Variants in ZNF385B observed in about 807,000 individuals in gnomAD.
ZNF385B encodes zinc finger protein 385B.
In ZNF385B, 23 loss-of-function variants were observed where a neutral mutation model predicts 39.2. The ratio of observed to expected loss-of-function variants is 0.59; its 90% CI spans 0.42 to 0.83. The LOEUF is 0.83. ZNF385B is among the 40% of genes least tolerant of loss of function. The pLI, the probability that ZNF385B is intolerant of heterozygous loss-of-function variation, is 0.00. For synonymous variants in ZNF385B, 205 were observed against 222.6 expected, an observed-to-expected ratio of 0.92 and a Z score of 0.70; for missense variants, 552 against 598.9, an observed-to-expected ratio of 0.92 and a Z score of 0.82.
chr2:179,562,670 G>T, intron 3 of ZNF385B: 1 of 835,174 alleles, frequency 1.2e-6, no homozygotes, highest in Non-Finnish European at 1.4e-6. Context: ...TATCCTAAAA[G>T]ACTGACAAGT....
chr2:179,544,713 A>G, intron 4 of ZNF385B, 114 bp downstream of exon 4: 1 of 1,326,974 alleles, frequency 7.5e-7, no homozygotes, highest in Non-Finnish European at 1.1e-6. Context: ...CAGCATAACC[A>G]ATATATGGTC....
chr2:179,516,317 A>C (rs535118859), intron 5 of ZNF385B, among the ~76,000 whole-genome samples: 3 of 152,026 alleles, frequency 2.0e-5, no homozygotes, highest in Non-Finnish European at 4.4e-5. Context: ...CATATGGGAA[A>C]CGTATGTACA....
intron 3 of ZNF385B, among the ~76,000 whole-genome samples, chr2:179,700,243 CA>C (rs951078972): frequency 5.3e-5 from 8 of 152,326 alleles, no homozygotes; most frequent in Admixed American, 5.2e-4. Flanking sequence ...CCCATGACTT[CA>C]AAATGTACCC....
intron 1 of ZNF385B, among the ~76,000 whole-genome samples, chr2:179,818,051 T>TGTGTGTGTGTAGTATGTTGC (rs1559222450): frequency 6.6e-6 from 1 of 151,890 alleles, no homozygotes; most frequent in Non-Finnish European, 1.5e-5. Context: ...TGTGTGTGAA[T>TGTGTGTGTGTAGTATGTTGC]GTGTGTGTGT....
chr2:179,721,785 T>C (rs1700713594), intron 3 of ZNF385B, among the ~76,000 whole-genome samples: 1 of 151,968 alleles, frequency 6.6e-6, no homozygotes, highest in Non-Finnish European at 1.5e-5. Flanking sequence ...GTATTCCCTA[T>C]AAAGTAAAGA....
At chr2:179,779,417 C>A (rs1395048510) in intron 1 of ZNF385B, among the ~76,000 whole-genome samples, 3 of 152,188 alleles carry the variant, frequency 2.0e-5, no homozygotes, top group Non-Finnish European at 4.4e-5. Flanking sequence ...GTTGGTCATG[C>A]AGGCCTTTGC....
At chr2:179,625,523 T>C (rs936542115) in intron 3 of ZNF385B, among the ~76,000 whole-genome samples, 2 of 152,110 alleles carry the variant, frequency 1.3e-5, no homozygotes, top group East Asian at 3.8e-4. Flanking sequence ...CATAAATATA[T>C]AAACAGATGA....
intron 5 of ZNF385B, among the ~76,000 whole-genome samples, chr2:179,513,171 G>A (rs367614284): frequency 2.0e-5 from 3 of 152,278 alleles, no homozygotes; most frequent in Admixed American, 6.5e-5. Context: ...AAATAAGGAT[G>A]AGCATCTTCT....
chr2:179,803,314 A>G (rs182272105), intron 1 of ZNF385B, among the ~76,000 whole-genome samples: 41 of 152,240 alleles, frequency 2.7e-4, no homozygotes, highest in Non-Finnish European at 4.3e-4. Context: ...ATGTTTCGTT[A>G]TACTTAACAA....
At chr2:179,852,004 G>A (rs925908035) in intron 1 of ZNF385B, among the ~76,000 whole-genome samples, 7 of 152,050 alleles carry the variant, frequency 4.6e-5, no homozygotes, top group African/African-American at 7.3e-5. Context: ...TTAAATTCTC[G>A]ACAAATTTAA....
chr2:179,804,250 C>T (rs1223913795), intron 1 of ZNF385B, among the ~76,000 whole-genome samples: 2 of 152,006 alleles, frequency 1.3e-5, no homozygotes, highest in Non-Finnish European at 2.9e-5. Flanking sequence ...GAGGGAAGAC[C>T]TCTTCACTTG....
At chr2:179,730,750 T>G (rs144535887) in intron 3 of ZNF385B, among the ~76,000 whole-genome samples, 1 of 152,204 alleles carries the variant, frequency 6.6e-6, no homozygotes, top group Non-Finnish European at 1.5e-5. Flanking sequence ...AACAAATATA[T>G]GTACATGCAG....
intron 1 of ZNF385B, among the ~76,000 whole-genome samples, chr2:179,810,899 C>G (rs1297376052): frequency 6.6e-6 from 1 of 151,932 alleles, no homozygotes; most frequent in Non-Finnish European, 1.5e-5. Flanking sequence ...GATTTTATAC[C>G]TAGAAAACCC....
chr2:179,647,814 C>A (rs1429173204), intron 3 of ZNF385B, among the ~76,000 whole-genome samples: 1 of 152,038 alleles, frequency 6.6e-6, no homozygotes, highest in Non-Finnish European at 1.5e-5. Flanking sequence ...TTTTTTTATT[C>A]CTCCTTTATC....
At chr2:179,464,849 C>A (rs896317088) in intron 6 of ZNF385B, among the ~76,000 whole-genome samples, 1 of 151,654 alleles carries the variant, frequency 6.6e-6, no homozygotes, top group Non-Finnish European at 1.5e-5. Context: ...TTGGATAAAA[C>A]CTCTTTCCTA....
intron 3 of ZNF385B, among the ~76,000 whole-genome samples, chr2:179,677,538 A>T (rs938476895): frequency 2.0e-5 from 3 of 152,252 alleles, no homozygotes; most frequent in Non-Finnish European, 4.4e-5. Context: ...GTTTACTATA[A>T]AAGTTAAAAT....
At chr2:179,569,526 T>C (rs1559495309) in intron 3 of ZNF385B, among the ~76,000 whole-genome samples, 1 of 152,212 alleles carries the variant, frequency 6.6e-6, no homozygotes, top group Non-Finnish European at 1.5e-5. Flanking sequence ...CATAATTTTC[T>C]AGGACATGTT....
intron 3 of ZNF385B, among the ~76,000 whole-genome samples, chr2:179,736,009 C>A (rs1701732331): frequency 6.7e-6 from 1 of 149,244 alleles, no homozygotes; most frequent in Non-Finnish European, 1.5e-5. Flanking sequence ...GCACATGTAC[C>A]CTAAAACTTA....
chr2:179,660,020 T>C (rs1347740703), intron 3 of ZNF385B: 2 of 152,518 alleles, frequency 1.3e-5, no homozygotes, highest in Non-Finnish European at 2.9e-5. Context: ...AAAAGCCAAA[T>C]ATGTATATCT....
Sources: allele counts gnomAD v4.1 joint callset (sites outside exome capture counted in the v4.1 genomes callset), GRCh38; gene constraint gnomAD v4.1.1; transcripts MANE v1.5; gene names NCBI Gene and HGNC (gene_info 2026-07-23, HGNC 2026-07-21).